PLA2G6: variants seen among roughly 807,000 people sequenced by gnomAD.
PLA2G6 encodes 85/88 kDa calcium-independent phospholipase A2.
A neutral mutation model predicts 83.8 loss-of-function variants in PLA2G6; 62 were observed. The ratio of observed to expected loss-of-function variants is 0.74; its 90% confidence interval spans 0.60 to 0.91. The LOEUF (loss-of-function observed/expected upper bound fraction) is 0.91. Among genes scored for constraint, PLA2G6 ranks in the 40% least tolerant of loss-of-function variants. The probability of loss-of-function intolerance (pLI) is 0.00; values close to 1 mark genes in which losing one functional copy is unlikely to be tolerated. For synonymous variants in PLA2G6, 417 were observed against 449.8 expected (o/e 0.93, Z 0.92); for missense variants, 944 against 1,102.0 (o/e 0.86, Z 2.03).
At chr22:38,125,839 C>A (rs2145734994) in intron 10 of PLA2G6, 1 of 398,346 alleles carries the variant, frequency 2.5e-6, no homozygotes, top group Non-Finnish European at 5.1e-6. Context: ...CCTTGCCGTG[C>A]CAGCTGGCAC....
chr22:38,130,464 C>G (rs1484502319), intron 7 of PLA2G6: 1 of 152,060 alleles, frequency 6.6e-6, no homozygotes, highest in Non-Finnish European at 1.5e-5. Flanking sequence ...ATTACAGGTG[C>G]CCACCACTAC....
At chr22:38,113,212 T>C (rs1883448893) in intron 15 of PLA2G6, among the ~76,000 whole-genome samples, 1 of 152,146 alleles carries the variant, frequency 6.6e-6, no homozygotes, top group African/African-American at 2.4e-5. Context: ...CTCTGGAGCC[T>C]TTGTCCATTC....
chr22:38,113,402 C>T (rs2086998423), intron 15 of PLA2G6, 85 bp downstream of exon 15: 2 of 1,337,428 alleles, frequency 1.5e-6, no homozygotes, highest in African/African-American at 2.9e-5. Context: ...CCTCCAACAC[C>T]AAAGGCCCCA....
At chr22:38,159,739 A>T (rs1473271881) in intron 2 of PLA2G6, among the ~76,000 whole-genome samples, 2 of 151,610 alleles carry the variant, frequency 1.3e-5, no homozygotes, top group Non-Finnish European at 2.9e-5. Flanking sequence ...GAAGGAAGGA[A>T]GGAAGGAAGG....
At chr22:38,148,990 C>T (rs778338127) in intron 2 of PLA2G6, 22 of 160,200 alleles carry the variant, frequency 1.4e-4, no homozygotes, top group Middle Eastern at 3.2e-3. Flanking sequence ...CTCAGCCTCC[C>T]GAGTAGCAGG....
intron 1 of PLA2G6, among the ~76,000 whole-genome samples, chr22:38,170,908 C>G (rs147472637): frequency 6.6e-6 from 1 of 152,188 alleles, no homozygotes; most frequent in African/African-American, 2.4e-5. Context: ...CGGTGGTTCA[C>G]GCCTGTAATC....
intron 9 of PLA2G6, chr22:38,127,499 T>G (rs1602114563): frequency 2.5e-6 from 3 of 1,215,358 alleles, no homozygotes; most frequent in Non-Finnish European, 3.3e-6. Context: ...GGAGGGGGAG[T>G]TCCTGGGAGG....
Position 38,112,170 on chromosome 22 carries a change from G to A in PLA2G6, c.2412C>T (p.Leu804=), listed in dbSNP as rs1298842870. 1.3e-6 allele frequency: 2 copies of A among 1,584,566 alleles called. No homozygotes were observed. The highest frequency in any genetic ancestry group is 1.2e-5 in the South Asian group (1 of 86,842). Residue 804 remains leucine (L), a synonymous_variant, in exon 17 of 17, where the codon CTC becomes CTT. Transcript: ENST00000332509. Reference sequence around the variant, plus strand: ...GAGAGGCTGGGGACCCTCAGGGTGAGAGCAGCAGCTGGATGAGCTTCTGGA... The same window carrying A: ...GAGAGGCTGGGGACCCTCAGGGTGAAAGCAGCAGCTGGATGAGCTTCTGGA... The part of the protein sequence containing the change: ...EEFQKLIQLL[L]SP
At chr22:38,148,599 G>T (rs1389017781) in intron 2 of PLA2G6, 1 of 715,590 alleles carries the variant, frequency 1.4e-6, no homozygotes, top group South Asian at 1.5e-5. Flanking sequence ...TGGGGCTCAG[G>T]ACACAGGGAC....
At chr22:38,125,409 G>A (rs1025849027) in intron 10 of PLA2G6, among the ~76,000 whole-genome samples, 1 of 152,192 alleles carries the variant, frequency 6.6e-6, no homozygotes, top group African/African-American at 2.4e-5. Context: ...AACCTCCAGG[G>A]CACACAACAG....
intron 10 of PLA2G6, among the ~76,000 whole-genome samples, chr22:38,125,126 G>T (rs1284832269): frequency 2.6e-5 from 4 of 151,998 alleles, no homozygotes; most frequent in Admixed American, 1.3e-4. Context: ...GTACATGCAT[G>T]TGTGTACATG....
chr22:38,113,766 G>T, intron 14 of PLA2G6, 112 bp from the exon 15 acceptor site: 2 of 953,810 alleles, frequency 2.1e-6, no homozygotes, highest in Non-Finnish European at 3.4e-6. Context: ...TGAGAACAGG[G>T]CAAGAGGTCT....
Position 38,124,777 on chromosome 22 carries a change from G to A in PLA2G6, c.1428-1519C>T, listed in dbSNP as rs534299706. On this transcript the variant is annotated intron_variant, in intron 10 of 16. Coordinates refer to ENST00000332509, the MANE Select transcript of PLA2G6 (RefSeq NM_003560.4). ...GAGGGCTGATAAATGGAGGAGGCCC[G>A]GGTCCCACCTCTAGGGGTCTTTTCC... 5.9e-5 allele frequency among the ~76,000 whole-genome samples: 9 copies of A among 152,302 alleles called. No individual in the cohort carries two copies. The South Asian group carries it at 1.7e-3, about 28-fold the overall frequency.
chr22:38,180,931 C>T (rs1226299063), intron 1 of PLA2G6, among the ~76,000 whole-genome samples: 1 of 152,174 alleles, frequency 6.6e-6, no homozygotes, highest in Non-Finnish European at 1.5e-5. Context: ...CCAAACCGAA[C>T]CTGCCTGACA....
intron 14 of PLA2G6, 120 bp downstream of exon 14, chr22:38,115,407 G>T: frequency 1.2e-6 from 1 of 839,846 alleles, no homozygotes; most frequent in Non-Finnish European, 2.0e-6. Flanking sequence ...GTGCACATAT[G>T]AATGAGTGCG....
chr22:38,115,888 C>T (rs1018063644), intron 13 of PLA2G6, 187 bp downstream of exon 13: 2 of 1,471,702 alleles, frequency 1.4e-6, no homozygotes, highest in Non-Finnish European at 1.8e-6. Context: ...TTTCCAGGGA[C>T]TTTTCTAACC....
chr22:38,165,125 C>A (rs1348456675), intron 2 of PLA2G6, among the ~76,000 whole-genome samples: 1 of 152,236 alleles, frequency 6.6e-6, no homozygotes. Flanking sequence ...CCTTCAACTG[C>A]CCTCAATGCA....
At chr22:38,157,393 C>G (rs931273932) in intron 2 of PLA2G6, among the ~76,000 whole-genome samples, 2 of 152,076 alleles carry the variant, frequency 1.3e-5, no homozygotes. Context: ...CACAACCTAC[C>G]AAGATGGAAC....
chr22:38,138,241 A>C (rs1427120891), intron 5 of PLA2G6: 1 of 152,818 alleles, frequency 6.5e-6, no homozygotes, highest in Non-Finnish European at 1.5e-5. Flanking sequence ...CACTCAGGTC[A>C]CAACCTGCAA....
Sources: allele counts gnomAD v4.1 joint callset (sites outside exome capture counted in the v4.1 genomes callset), GRCh38; gene constraint gnomAD v4.1.1; transcripts MANE v1.5; gene names NCBI Gene and HGNC (gene_info 2026-07-23, HGNC 2026-07-21).